The following ERC1 variants were observed in gnomAD, a reference collection of about 807,000 sequenced individuals.
ERC1 encodes RAB6 interacting protein 2.
ERC1 carries 56 observed loss-of-function variants against 132.0 expected under a neutral mutation model. The observed-to-expected ratio is 0.42, with a 90% CI of 0.34 to 0.53. The LOEUF (loss-of-function observed/expected upper bound fraction) is 0.53. ERC1 is among the 20% of genes least tolerant of loss of function. ERC1 has a pLI of 0.03. For missense variants in ERC1, 1,202 were observed against 1,349.9 expected, an observed-to-expected ratio of 0.89 and a Z score of 1.72; for synonymous variants, 478 against 476.1, an observed-to-expected ratio of 1.00 and a Z score of -0.05.
At chr12:1,323,056 A>G (rs1028411844) in intron 15 of ERC1, among the ~76,000 whole-genome samples, 2 of 152,174 alleles carry the variant, frequency 1.3e-5, no homozygotes, top group African/African-American at 4.8e-5. Flanking sequence ...ATGATGGGAA[A>G]AATTATGTTG....
At chr12:1,266,593 C>T (rs531946657) in intron 14 of ERC1, among the ~76,000 whole-genome samples, 2 of 151,346 alleles carry the variant, frequency 1.3e-5, no homozygotes, top group African/African-American at 2.4e-5. Context: ...TTAGTAGAGA[C>T]GGGGTTTCAC....
chr12:1,276,857 T>A (rs776040749), intron 14 of ERC1, among the ~76,000 whole-genome samples: 1 of 152,224 alleles, frequency 6.6e-6, no homozygotes, highest in Non-Finnish European at 1.5e-5. Context: ...TAATGGTAAT[T>A]TTATCATATT....
At chr12:1,135,101 A>AT (rs1949127292) in intron 7 of ERC1, among the ~76,000 whole-genome samples, 1 of 152,090 alleles carries the variant, frequency 6.6e-6, no homozygotes, top group African/African-American at 2.4e-5. Flanking sequence ...GGAAGGGAAC[A>AT]TTCAGAACAT....
At chr12:1,194,502 T>C (rs1027236888) in intron 12 of ERC1, among the ~76,000 whole-genome samples, 1 of 152,192 alleles carries the variant, frequency 6.6e-6, no homozygotes, top group African/African-American at 2.4e-5. Flanking sequence ...TTGCTTGCTG[T>C]CTGCTTTTTC....
At chr12:1,139,216 T>G (rs1426110441) in intron 7 of ERC1, among the ~76,000 whole-genome samples, 1 of 152,222 alleles carries the variant, frequency 6.6e-6, no homozygotes, top group African/African-American at 2.4e-5. Flanking sequence ...TGAAATCTTA[T>G]GCCATTCTGC....
At chr12:1,469,199 C>G (rs1355693093) in intron 18 of ERC1, among the ~76,000 whole-genome samples, 1 of 152,254 alleles carries the variant, frequency 6.6e-6, no homozygotes, top group African/African-American at 2.4e-5. Context: ...GCTCTCTTCT[C>G]CCTGTCCTGC....
chr12:1,146,586 T>C (rs1950389205), intron 8 of ERC1, among the ~76,000 whole-genome samples: 1 of 151,646 alleles, frequency 6.6e-6, no homozygotes, highest in Admixed American at 6.6e-5. Context: ...TCCTGTTTGA[T>C]TGCTCTGACA....
intron 16 of ERC1, among the ~76,000 whole-genome samples, chr12:1,383,684 A>G (rs533615792): frequency 3.9e-5 from 6 of 152,324 alleles, no homozygotes; most frequent in Middle Eastern, 3.4e-3. Flanking sequence ...GCATTCAAGG[A>G]TAATAGGAGT....
chr12:1,263,673 C>CT lies in ERC1; in HGVS notation c.2619+509dup, dbSNP rs528844673. ...ACGGAAAGAAAAAACATGAACGTTT[C>CT]TCTTTTTTTTCTTTTATTATTATTA... On this transcript the variant is annotated intron_variant, in intron 14 of 18. Coordinates refer to ENST00000360905, the MANE Select transcript of ERC1 (RefSeq NM_178040.4). Among the ~76,000 whole-genome samples the CT allele has an allele frequency of 6.9e-3, 1,052 of 152,142 alleles. 14 individuals are homozygous for CT. Among genetic ancestry groups the CT allele is most frequent in the African/African-American group, 0.024 (984 of 41,510 alleles).
At chr12:1,467,148 A>T (rs912936519) in intron 18 of ERC1, among the ~76,000 whole-genome samples, 1 of 152,230 alleles carries the variant, frequency 6.6e-6, no homozygotes, top group Non-Finnish European at 1.5e-5. Context: ...CTCTTTTCTA[A>T]TGTAAGCTCT....
chr12:1,420,877 T>G (rs1591939911), intron 17 of ERC1, among the ~76,000 whole-genome samples: 1 of 140,320 alleles, frequency 7.1e-6, no homozygotes, highest in Non-Finnish European at 1.6e-5. Flanking sequence ...TTGGTTTACT[T>G]CCCCAAGCCC....
chr12:1,349,680 A>AAG (rs58080326), intron 15 of ERC1, among the ~76,000 whole-genome samples: 3 of 150,866 alleles, frequency 2.0e-5, no homozygotes, highest in African/African-American at 7.3e-5. Context: ...AAAAAAAAAA[A>AAG]GTTATTTTTG....
intron 2 of ERC1, among the ~76,000 whole-genome samples, chr12:1,051,239 A>C (rs112045595): frequency 0.01 from 1,545 of 152,328 alleles, 12 homozygotes; most frequent in Admixed American, 0.016. Context: ...GGTGTGGGCT[A>C]CAACCTGGAC....
chr12:1,359,777 T>A (rs949585815), intron 15 of ERC1, among the ~76,000 whole-genome samples: 5 of 152,232 alleles, frequency 3.3e-5, no homozygotes, highest in African/African-American at 1.2e-4. Context: ...TCTGTTATAA[T>A]GTTTCACCGT....
intron 12 of ERC1, among the ~76,000 whole-genome samples, chr12:1,194,229 T>C (rs1044129745): frequency 2.8e-4 from 42 of 152,326 alleles, no homozygotes; most frequent in African/African-American, 9.4e-4. Flanking sequence ...GAGACCAGCC[T>C]GGCCAACATG....
At chr12:1,304,777 CTCTT>C (rs2061806175) in intron 15 of ERC1, among the ~76,000 whole-genome samples, 2 of 101,226 alleles carry the variant, frequency 2.0e-5, no homozygotes, top group Non-Finnish European at 4.2e-5. Context: ...TTTGTTGTAA[CTCTT>C]TTTTTTTTTT....
At chr12:1,111,165 A>G (rs1320787352) in intron 5 of ERC1, among the ~76,000 whole-genome samples, 1 of 152,146 alleles carries the variant, frequency 6.6e-6, no homozygotes, top group East Asian at 1.9e-4. Context: ...TATGACAAAG[A>G]TTGATACCAC....
intron 12 of ERC1, among the ~76,000 whole-genome samples, chr12:1,227,305 T>A (rs1345744698): frequency 1.3e-5 from 2 of 152,230 alleles, no homozygotes; most frequent in African/African-American, 4.8e-5. Context: ...ATCTTTTGTC[T>A]TTTTCATAGT....
At chr12:1,106,609 G>T (rs1286428910) in intron 4 of ERC1, among the ~76,000 whole-genome samples, 5 of 151,886 alleles carry the variant, frequency 3.3e-5, no homozygotes, top group Admixed American at 3.3e-4. Flanking sequence ...TGGGTTCTTT[G>T]TAGTTAATTG....
Sources: gnomAD v4.1 joint callset for allele counts (sites outside exome capture counted in the v4.1 genomes callset) on GRCh38, gnomAD v4.1.1 for gene constraint, MANE v1.5 for transcripts, NCBI Gene and HGNC (gene_info 2026-07-23, HGNC 2026-07-21) for gene names.